Variants in TRHDE observed in about 807,000 individuals in gnomAD.
TRHDE encodes the protein thyrotropin releasing hormone degrading enzyme.
In TRHDE, 72 loss-of-function variants were observed where a neutral mutation model predicts 125.7. That is an observed-to-expected ratio of 0.57 (90% CI 0.47 to 0.70). The LOEUF (loss-of-function observed/expected upper bound fraction) is 0.70, where lower values mean the gene tolerates loss of function less well. TRHDE is among the 30% of genes least tolerant of loss of function. The pLI is 0.00. For missense variants in TRHDE, 1,110 were observed against 1,327.1 expected (o/e 0.84, Z 2.54); for synonymous variants, 509 against 509.1 (o/e 1.00, Z 0.00).
At chr12:72,568,134 G>A (rs1279951960) in intron 9 of TRHDE, among the ~76,000 whole-genome samples, 1 of 151,908 alleles carries the variant, frequency 6.6e-6, no homozygotes, top group Non-Finnish European at 1.5e-5. Flanking sequence ...GTCCTACAGA[G>A]TCATTAGATA....
intron 3 of TRHDE, among the ~76,000 whole-genome samples, chr12:72,438,233 G>A (rs1472640878): frequency 6.6e-6 from 1 of 151,742 alleles, no homozygotes; most frequent in Non-Finnish European, 1.5e-5. Flanking sequence ...ATTCTGCAGT[G>A]AACATGGAAG....
chr12:72,530,016 C>T (rs760790231), intron 6 of TRHDE, among the ~76,000 whole-genome samples: 37 of 152,088 alleles, frequency 2.4e-4, no homozygotes, highest in Non-Finnish European at 4.4e-4. Flanking sequence ...CACTCTGTAC[C>T]GGACTCCATC....
intron 5 of TRHDE, among the ~76,000 whole-genome samples, chr12:72,478,870 A>G (rs758581994): frequency 1.3e-5 from 2 of 149,732 alleles, no homozygotes; most frequent in African/African-American, 2.5e-5. Flanking sequence ...AGCAGGCCTG[A>G]CACTGGAATC....
At chr12:72,647,148 C>G (rs1161986708) in intron 15 of TRHDE, among the ~76,000 whole-genome samples, 2 of 151,890 alleles carry the variant, frequency 1.3e-5, no homozygotes, top group African/African-American at 4.8e-5. Context: ...TGAAGTGAAA[C>G]TACAAATCAA....
intron 3 of TRHDE, among the ~76,000 whole-genome samples, chr12:72,408,166 C>G (rs190092757): frequency 3.5e-4 from 54 of 152,296 alleles, no homozygotes; most frequent in South Asian, 1.7e-3. Context: ...AGTAACCACT[C>G]TCAGACAAGC....
chr12:72,529,095 A>C (rs1008568899), intron 6 of TRHDE, among the ~76,000 whole-genome samples: 6 of 152,128 alleles, frequency 3.9e-5, no homozygotes, highest in Non-Finnish European at 8.8e-5. Flanking sequence ...CAAAAAATTA[A>C]ACTATAGGAC....
intron 2 of TRHDE, chr12:72,163,179 C>T (rs1876672262): frequency 6.6e-6 from 1 of 152,156 alleles, no homozygotes; most frequent in South Asian, 2.1e-4. Context: ...ATGAGATAGA[C>T]CTCATCATTG....
At chr12:72,659,909 TAA>T (rs1197695593) in intron 18 of TRHDE, among the ~76,000 whole-genome samples, 5 of 151,816 alleles carry the variant, frequency 3.3e-5, no homozygotes, top group Non-Finnish European at 5.9e-5. Context: ...TTGTAAGAAA[TAA>T]AGACACAAGA....
chr12:72,375,375 A>T (rs573061083), intron 2 of TRHDE, among the ~76,000 whole-genome samples: 1 of 152,308 alleles, frequency 6.6e-6, no homozygotes. Context: ...CTGAACATGT[A>T]TATGTTTTAT....
At chr12:72,203,808 A>T (rs1877611125) in intron 2 of TRHDE, among the ~76,000 whole-genome samples, 1 of 152,176 alleles carries the variant, frequency 6.6e-6, no homozygotes, top group Admixed American at 6.5e-5. Context: ...GTTTATGAGG[A>T]TATCTCGGTT....
intron 2 of TRHDE, among the ~76,000 whole-genome samples, chr12:72,231,975 A>G (rs1245776975): frequency 6.6e-6 from 1 of 151,970 alleles, no homozygotes; most frequent in Admixed American, 6.6e-5. Context: ...TCTGTTGAGG[A>G]ATAAAATGAA....
At chr12:72,561,681 G>T (rs964414703) in intron 7 of TRHDE, among the ~76,000 whole-genome samples, 6 of 152,190 alleles carry the variant, frequency 3.9e-5, no homozygotes, top group African/African-American at 1.4e-4. Context: ...CCTTTCCTTT[G>T]CAGAGAGACC....
intron 5 of TRHDE, among the ~76,000 whole-genome samples, chr12:72,480,705 C>T (rs1047486175): frequency 1.3e-5 from 2 of 152,198 alleles, no homozygotes; most frequent in Admixed American, 1.3e-4. Context: ...CATCCTTTCT[C>T]ATATCTAGAA....
chr12:72,326,198 A>G (rs190965931), intron 2 of TRHDE, among the ~76,000 whole-genome samples: 428 of 152,304 alleles, frequency 2.8e-3, no homozygotes, highest in Non-Finnish European at 4.7e-3. Context: ...AAAAAAGACA[A>G]ATCCTATATT....
chr12:72,494,036 A>G (rs2135929467), intron 5 of TRHDE, among the ~76,000 whole-genome samples: 1 of 152,132 alleles, frequency 6.6e-6, no homozygotes, highest in South Asian at 2.1e-4. Context: ...TATCTTTCTT[A>G]TCCCAGAACC....
chr12:72,087,867 CA>C (rs1349440394), intron 1 of TRHDE, among the ~76,000 whole-genome samples: 8 of 152,038 alleles, frequency 5.3e-5, no homozygotes, highest in African/African-American at 1.9e-4. Context: ...CCTCCAGCAC[CA>C]TTTACCAGCC....
At chr12:72,231,087 G>A (rs1208565001) in intron 2 of TRHDE, among the ~76,000 whole-genome samples, 5 of 151,722 alleles carry the variant, frequency 3.3e-5, no homozygotes, top group Non-Finnish European at 5.9e-5. Context: ...TCACATACTA[G>A]GCAGAAATTT....
chr12:72,405,595 G>A (rs1272843574), intron 3 of TRHDE, among the ~76,000 whole-genome samples: 1 of 152,120 alleles, frequency 6.6e-6, no homozygotes, highest in Non-Finnish European at 1.5e-5. Context: ...TCTCACATCT[G>A]TTCTCCAAGT....
At chr12:72,182,935 A>G (rs955400405) in intron 2 of TRHDE, among the ~76,000 whole-genome samples, 1 of 152,202 alleles carries the variant, frequency 6.6e-6, no homozygotes, top group African/African-American at 2.4e-5. Context: ...GTTGTAAGAC[A>G]ATGTTATGGG....
Sources: allele counts gnomAD v4.1 joint callset (sites outside exome capture counted in the v4.1 genomes callset), GRCh38; gene constraint gnomAD v4.1.1; transcripts MANE v1.5; gene names NCBI Gene and HGNC (gene_info 2026-07-23, HGNC 2026-07-21).